The following EYA1 variants were observed in gnomAD, a reference collection of about 807,000 sequenced individuals.
EYA1 encodes the protein EYA transcriptional coactivator and phosphatase 1.
Under a neutral mutation model 82.0 loss-of-function variants are expected in EYA1, and 16 were observed. The observed-to-expected ratio is 0.20, with a 90% confidence interval of 0.13 to 0.30. The LOEUF is 0.30. Ranked by LOEUF, EYA1 falls within the 10% of genes least tolerant of loss-of-function variation. EYA1 has a pLI of 1.00. For synonymous variants in EYA1, 261 were observed against 264.4 expected, an observed-to-expected ratio of 0.99 and a Z score of 0.12; for missense variants, 633 against 730.7, an observed-to-expected ratio of 0.87 and a Z score of 1.54.
At chr8:71,428,882 A>G (rs1259445128) in intron 2 of EYA1, among the ~76,000 whole-genome samples, 1 of 121,608 alleles carries the variant, frequency 8.2e-6, no homozygotes, top group African/African-American at 3.4e-5. Context: ...ACATTTTATT[A>G]TTATTCACCT....
At chr8:71,406,789 G>C (rs1473268113) in intron 2 of EYA1, among the ~76,000 whole-genome samples, 1 of 147,266 alleles carries the variant, frequency 6.8e-6, no homozygotes, top group East Asian at 2.0e-4. Flanking sequence ...CGGCAGCGAG[G>C]CTGGGGGAGG....
intron 2 of EYA1, among the ~76,000 whole-genome samples, chr8:71,498,962 T>C (rs774148361): frequency 5.9e-5 from 9 of 152,110 alleles, no homozygotes; most frequent in Non-Finnish European, 1.2e-4. Context: ...AGAAACTAGG[T>C]GCTTGTTCAA....
chr8:71,310,135 T>C (rs2129014265), intron 7 of EYA1, among the ~76,000 whole-genome samples: 1 of 152,326 alleles, frequency 6.6e-6, no homozygotes, highest in South Asian at 2.1e-4. Context: ...CAGAAAGGCA[T>C]TCTATACCAC....
intron 2 of EYA1, among the ~76,000 whole-genome samples, chr8:71,435,554 G>A (rs566998446): frequency 6.6e-6 from 1 of 152,170 alleles, no homozygotes; most frequent in South Asian, 2.1e-4. Flanking sequence ...GGGTTGGGGG[G>A]AAGAGGAGCT....
intron 2 of EYA1, 130 bp from the exon 3 acceptor site, chr8:71,355,039 A>G (rs1826721898): frequency 2.2e-6 from 2 of 913,024 alleles, no homozygotes; most frequent in Admixed American, 1.8e-5. Flanking sequence ...CTTAGACTCA[A>G]AATAATTCAT....
intron 9 of EYA1, among the ~76,000 whole-genome samples, chr8:71,282,994 T>C (rs1382285113): frequency 6.8e-6 from 1 of 146,402 alleles, no homozygotes; most frequent in African/African-American, 2.5e-5. Flanking sequence ...ACTAGAGAAA[T>C]TATTTACAGG....
At chr8:71,491,240 CT>C (rs1284598443) in intron 2 of EYA1, among the ~76,000 whole-genome samples, 1 of 152,042 alleles carries the variant, frequency 6.6e-6, no homozygotes, top group Non-Finnish European at 1.5e-5. Flanking sequence ...ATTGTGTTCT[CT>C]TTTTATTTTT....
At chr8:71,542,030 T>C (rs1211233881) in intron 1 of EYA1, among the ~76,000 whole-genome samples, 1 of 152,192 alleles carries the variant, frequency 6.6e-6, no homozygotes, top group African/African-American at 2.4e-5. Flanking sequence ...ATTTTCTTAC[T>C]TTATTCAAAA....
At chr8:71,360,573 T>C (rs956268868) in intron 1 of EYA1, among the ~76,000 whole-genome samples, 5 of 152,188 alleles carry the variant, frequency 3.3e-5, no homozygotes, top group African/African-American at 1.2e-4. Flanking sequence ...CTGAACACTT[T>C]GGGCCTTGGG....
chr8:71,361,860 G>T lies in EYA1; in HGVS notation c.-268C>A. On this transcript the variant is annotated 5_prime_UTR_variant, in exon 1 of 18. Transcript: ENST00000340726. ...GGCGCCTGGCCGCTGCCGCAGGCTC[G>T]GGCTGCCGAGCGACTGAGCGAAAAC... 1.0e-6 allele frequency: 1 copy of T among 985,412 alleles called. No individual in the cohort carries two copies. 61.0% of individuals were successfully genotyped at this position (985,412 alleles called of 1,614,324 possible).
intron 12 of EYA1, among the ~76,000 whole-genome samples, chr8:71,240,293 G>C (rs1812325546): frequency 6.6e-6 from 1 of 151,008 alleles, no homozygotes; most frequent in African/African-American, 2.4e-5. Context: ...TAATAGAAAG[G>C]GTGAAAACAA....
chr8:71,260,137 C>T (rs921209368), intron 11 of EYA1, among the ~76,000 whole-genome samples: 18 of 152,250 alleles, frequency 1.2e-4, no homozygotes, highest in Middle Eastern at 3.4e-3. Context: ...GCACATTTAG[C>T]TTTATTTTCT....
At chr8:71,298,783 A>G (rs943547084) in intron 9 of EYA1, among the ~76,000 whole-genome samples, 1 of 152,218 alleles carries the variant, frequency 6.6e-6, no homozygotes, top group African/African-American at 2.4e-5. Context: ...CTCAAAAACT[A>G]CACAGATCTT....
chr8:71,348,160 A>G (rs1386460116), intron 3 of EYA1, among the ~76,000 whole-genome samples: 2 of 152,202 alleles, frequency 1.3e-5, no homozygotes, highest in Admixed American at 6.5e-5. Flanking sequence ...TTAGAGTGAA[A>G]GAGAGGAGAA....
intron 12 of EYA1, among the ~76,000 whole-genome samples, chr8:71,236,646 T>A (rs183308327): frequency 9.3e-4 from 142 of 152,282 alleles, no homozygotes; most frequent in African/African-American, 3.3e-3. Context: ...ACTCTACAGT[T>A]GTGTGACCTT....
chr8:71,244,475 C>CT, intron 12 of EYA1, 128 bp downstream of exon 12: 1 of 618,124 alleles, frequency 1.6e-6, no homozygotes, highest in South Asian at 1.8e-5. Flanking sequence ...AAACACATTG[C>CT]CATATTACCA....
intron 12 of EYA1, among the ~76,000 whole-genome samples, chr8:71,234,769 A>C (rs1216072883): frequency 6.6e-6 from 1 of 151,472 alleles, no homozygotes; most frequent in Non-Finnish European, 1.5e-5. Context: ...GACTCCCAAA[A>C]CTATACCTTC....
chr8:71,308,801 C>G (rs1821014927), intron 7 of EYA1, among the ~76,000 whole-genome samples: 1 of 151,756 alleles, frequency 6.6e-6, no homozygotes, highest in Non-Finnish European at 1.5e-5. Flanking sequence ...AGAATCCCAG[C>G]CAACATAAGA....
chr8:71,257,665 T>C lies in EYA1; in HGVS notation c.1050+12075A>G, dbSNP rs1230117437. The stretch of plus-strand genomic sequence containing the variant: ...CGATGCTTGGCTTCTATTCACTCTA[T>C]TCATTTTTACCATATGGGATGTTCT... On this transcript the variant is annotated intron_variant, in intron 11 of 17. Transcript: ENST00000340726. Among the ~76,000 whole-genome samples the C allele has an allele frequency of 7.9e-5, 12 of 152,196 alleles. No individual in the cohort carries two copies. In the East Asian group the frequency reaches 2.3e-3, roughly 29 times the overall value.
Sources: gnomAD v4.1 joint callset for allele counts (sites outside exome capture counted in the v4.1 genomes callset) on GRCh38, gnomAD v4.1.1 for gene constraint, MANE v1.5 for transcripts, NCBI Gene and HGNC (gene_info 2026-07-23, HGNC 2026-07-21) for gene names.